HS3ST5: variants seen among roughly 807,000 people sequenced by gnomAD.
The protein encoded by HS3ST5 is heparan sulfate-glucosamine 3-sulfotransferase 5.
In HS3ST5, 10 loss-of-function variants were observed where a neutral mutation model predicts 25.4. The observed-to-expected ratio is 0.39, with a 90% CI of 0.24 to 0.67. The LOEUF (loss-of-function observed/expected upper bound fraction) is 0.67. Ranked by LOEUF, HS3ST5 falls within the 30% of genes least tolerant of loss-of-function variation. HS3ST5 has a pLI of 0.44. For missense variants in HS3ST5, 324 were observed against 420.7 expected, an observed-to-expected ratio of 0.77 and a Z score of 2.01; for synonymous variants, 170 against 162.4, an observed-to-expected ratio of 1.05 and a Z score of -0.36.
intron 3 of HS3ST5, among the ~76,000 whole-genome samples, chr6:114,164,153 C>CTACAA (rs1554215014): frequency 1.3e-5 from 2 of 151,960 alleles, no homozygotes; most frequent in East Asian, 1.9e-4. Flanking sequence ...ATTTTTTTTG[C>CTACAA]TATTTCACTA....
chr6:114,320,123 GGT>G (rs1418958347), intron 1 of HS3ST5, among the ~76,000 whole-genome samples: 11 of 152,014 alleles, frequency 7.2e-5, no homozygotes, highest in South Asian at 2.1e-4. Flanking sequence ...GTACTCTGTA[GGT>G]GACTGCACTG....
chr6:114,282,429 A>G (rs2114742269), intron 1 of HS3ST5, among the ~76,000 whole-genome samples: 1 of 151,890 alleles, frequency 6.6e-6, no homozygotes, highest in South Asian at 2.1e-4. Flanking sequence ...TAAACCTAAC[A>G]CTTCTCAAAC....
intron 1 of HS3ST5, among the ~76,000 whole-genome samples, chr6:114,338,601 T>G (rs908391041): frequency 6.6e-6 from 1 of 152,054 alleles, no homozygotes; most frequent in Non-Finnish European, 1.5e-5. Flanking sequence ...ATGTAATCTT[T>G]TACTCTACTT....
At chr6:114,209,133 T>C (rs1215769161) in intron 2 of HS3ST5, among the ~76,000 whole-genome samples, 1 of 152,168 alleles carries the variant, frequency 6.6e-6, no homozygotes, top group Non-Finnish European at 1.5e-5. Context: ...ACTTCATCAT[T>C]GCCAAACTAA....
intron 2 of HS3ST5, 129 bp downstream of exon 2, chr6:114,228,456 T>C (rs192587926): frequency 7.8e-4 from 119 of 152,304 alleles, no homozygotes; most frequent in African/African-American, 2.6e-3. Flanking sequence ...GAACTACACA[T>C]ACATGGATAG....
rs767022598 is a variant in HS3ST5, at chr6:114,062,720, A to C, written c.107+19T>G. 2.0e-6 allele frequency: 3 copies of C among 1,500,242 alleles called. No homozygotes were observed. The highest frequency in any genetic ancestry group is 1.4e-5 in the African/African-American group (1 of 72,664). The allele number at this position is 1,500,242 out of a possible 1,614,324, so 92.9% of individuals were successfully genotyped here. On this transcript the variant is annotated intron_variant, in intron 4 of 4. Transcript: ENST00000312719. The stretch of plus-strand genomic sequence containing the variant: ...GCCTTAATGTCACAGGGGTATAAGC[A>C]TGTGTTTTAAGCACCCACCTATCCA...
chr6:114,199,993 G>A (rs1780938134), intron 2 of HS3ST5, among the ~76,000 whole-genome samples: 1 of 152,078 alleles, frequency 6.6e-6, no homozygotes, highest in Admixed American at 6.6e-5. Flanking sequence ...GGGGTGGAGG[G>A]GCAGATCACC....
At chr6:114,127,129 G>T (rs962823718) in intron 3 of HS3ST5, among the ~76,000 whole-genome samples, 2 of 152,106 alleles carry the variant, frequency 1.3e-5, no homozygotes, top group African/African-American at 4.8e-5. Context: ...CCTCATGCCT[G>T]TAACCCCAGC....
intron 1 of HS3ST5, among the ~76,000 whole-genome samples, chr6:114,332,901 T>C (rs1776460683): frequency 6.6e-6 from 1 of 151,556 alleles, no homozygotes; most frequent in South Asian, 2.1e-4. Context: ...TTCCCTGGAG[T>C]CACCCAATTG....
intron 2 of HS3ST5, among the ~76,000 whole-genome samples, chr6:114,224,558 A>G (rs1162335619): frequency 6.6e-6 from 1 of 151,246 alleles, no homozygotes; most frequent in Non-Finnish European, 1.5e-5. Flanking sequence ...TAGCTCCTTT[A>G]TATCTTTTTT....
At chr6:114,140,535 A>G (rs1777851417) in intron 3 of HS3ST5, among the ~76,000 whole-genome samples, 1 of 152,174 alleles carries the variant, frequency 6.6e-6, no homozygotes, top group Non-Finnish European at 1.5e-5. Context: ...TGCTTGTTAT[A>G]GTGTTCTAAG....
intron 2 of HS3ST5, among the ~76,000 whole-genome samples, chr6:114,218,691 C>T (rs899444661): frequency 6.6e-6 from 1 of 152,130 alleles, no homozygotes; most frequent in Admixed American, 6.5e-5. Flanking sequence ...CCTGAGTAGG[C>T]CTAGAATCAG....
At chr6:114,316,213 A>G (rs1775740849) in intron 1 of HS3ST5, among the ~76,000 whole-genome samples, 1 of 152,226 alleles carries the variant, frequency 6.6e-6, no homozygotes, top group Admixed American at 6.5e-5. Context: ...TCAAGACTGT[A>G]GAAATTATTT....
At chr6:114,135,634 G>C (rs1004146218) in intron 3 of HS3ST5, among the ~76,000 whole-genome samples, 29 of 152,184 alleles carry the variant, frequency 1.9e-4, no homozygotes, top group African/African-American at 6.0e-4. Context: ...TCAAGATTTA[G>C]GTCAGATGTC....
intron 3 of HS3ST5, among the ~76,000 whole-genome samples, chr6:114,070,220 A>C (rs1773730768): frequency 6.6e-6 from 1 of 151,784 alleles, no homozygotes; most frequent in Admixed American, 6.6e-5. Context: ...GCAGACAAAA[A>C]CCACTTAACT....
At chr6:114,222,275 G>C (rs1037192769) in intron 2 of HS3ST5, among the ~76,000 whole-genome samples, 1 of 151,694 alleles carries the variant, frequency 6.6e-6, no homozygotes, top group Non-Finnish European at 1.5e-5. Flanking sequence ...TGTTATAATT[G>C]TTTTTTATTG....
chr6:114,220,109 T>G (rs369041005), intron 2 of HS3ST5, among the ~76,000 whole-genome samples: 104 of 152,176 alleles, frequency 6.8e-4, no homozygotes, highest in African/African-American at 2.3e-3. Context: ...ATGGTATGCC[T>G]GGAAATACAT....
chr6:114,338,678 A>C (rs1470311867), intron 1 of HS3ST5, among the ~76,000 whole-genome samples: 1 of 152,100 alleles, frequency 6.6e-6, no homozygotes, highest in Non-Finnish European at 1.5e-5. Context: ...GAAGTTACTA[A>C]TATCTTGCTT....
chr6:114,200,729 CA>C (rs1263460818), intron 2 of HS3ST5, among the ~76,000 whole-genome samples: 1 of 151,796 alleles, frequency 6.6e-6, no homozygotes, highest in African/African-American at 2.4e-5. Context: ...AAGATGGTTT[CA>C]AATATTTTTA....
Sources: allele counts gnomAD v4.1 joint callset (sites outside exome capture counted in the v4.1 genomes callset), GRCh38; gene constraint gnomAD v4.1.1; transcripts MANE v1.5; gene names NCBI Gene and HGNC (gene_info 2026-07-23, HGNC 2026-07-21).